The following ULK4 variants were observed in gnomAD, a reference collection of about 807,000 sequenced individuals.
The protein encoded by ULK4 is inactive serine/threonine-protein kinase ULK4.
Under a neutral mutation model 160.6 loss-of-function variants are expected in ULK4, and 133 were observed. The ratio of observed to expected loss-of-function variants is 0.83; its 90% CI spans 0.72 to 0.96. ULK4 has a LOEUF of 0.96. ULK4 is among the 40% of genes least tolerant of loss of function. The pLI, the probability that ULK4 is intolerant of heterozygous loss-of-function variation, is 0.00. For synonymous variants in ULK4, 534 were observed against 539.8 expected, an observed-to-expected ratio of 0.99 and a Z score of 0.15; for missense variants, 1,580 against 1,499.5, an observed-to-expected ratio of 1.05 and a Z score of -0.89.
At chr3:41,869,151 G>A (rs946090835) in intron 17 of ULK4, 3 of 151,720 alleles carry the variant, frequency 2.0e-5, no homozygotes, top group African/African-American at 7.3e-5. Flanking sequence ...TTGTTTTTCA[G>A]GGTTTTTTTT....
rs192174087 is a variant in ULK4, at chr3:41,917,873, G to A, written c.727+584C>T. On this transcript the variant is annotated intron_variant, in intron 7 of 36. Transcript: ENST00000301831. ...GCCGTGGTGGGCACCTGTAGTCCCA[G>A]CTACTCGGGAGGCTGAGGCAGGAGA... is the stretch of plus-strand genomic sequence containing the variant. Among the ~76,000 whole-genome samples the A allele has an allele frequency of 6.9e-3, 1,046 of 152,166 alleles. 13 individuals are homozygous for A. The highest frequency in any genetic ancestry group is 0.023 in the African/African-American group (970 of 41,514).
At position 41,395,970 on chromosome 3, in the gene ULK4, T is replaced by G. The variant is rs148980847; in HGVS notation, c.3678+2109A>C. 4.2e-3 allele frequency among the ~76,000 whole-genome samples: 639 copies of G among 152,312 alleles called. 3 individuals are homozygous for G. Among genetic ancestry groups the G allele is most frequent in the African/African-American group, 0.015 (614 of 41,586 alleles). ...TTAAATAGTAAAGCAAACTAAAAGA[T>G]GGTAGAATCTGTTGATTTTGACCAA... On this transcript the variant is annotated intron_variant, in intron 35 of 36. Coordinates refer to ENST00000301831, the MANE Select transcript of ULK4 (RefSeq NM_017886.4).
chr3:41,885,977 CTTAA>C (rs1213433902), intron 16 of ULK4, among the ~76,000 whole-genome samples: 1 of 152,122 alleles, frequency 6.6e-6, no homozygotes, highest in East Asian at 1.9e-4. Flanking sequence ...TGCATCTGGC[CTTAA>C]TTTTTACTTT....
Position 41,568,029 on chromosome 3 carries a change from T to C in ULK4, c.3121-1899A>G, listed in dbSNP as rs1388169282. ...TCAAGTGGCACCAGTTTTCCACCGA[T>C]GGCCTTTTCTGTTCCAGAATTCAAT... On this transcript the variant is annotated intron_variant, in intron 31 of 36. Coordinates refer to ENST00000301831, the MANE Select transcript of ULK4 (RefSeq NM_017886.4). Among the ~76,000 whole-genome samples the C allele has an allele frequency of 2.0e-5, 3 of 152,184 alleles. No homozygotes were observed. In the East Asian group the frequency reaches 5.8e-4, roughly 29 times the overall value.
chr3:41,304,188 G>A (rs953228235), intron 35 of ULK4, among the ~76,000 whole-genome samples: 5 of 149,798 alleles, frequency 3.3e-5, no homozygotes, highest in African/African-American at 7.5e-5. Context: ...CAGGAGAATC[G>A]CTTGAGCCCA....
rs71616008 is a variant in ULK4 at position 41,469,602 on chromosome 3, C to CAAAA, written c.3227-6353_3227-6350dup. Among the ~76,000 whole-genome samples, 25 of 11,282 alleles carry CAAAA rather than the reference C, an allele frequency of 2.2e-3. 1 individual carries two copies. Among genetic ancestry groups the CAAAA allele is most frequent in the South Asian group, 5.1e-3 (1 of 196 alleles). The allele number at this position is 11,282 out of a possible 152,430, so 7.4% of individuals were successfully genotyped here. On this transcript the variant is annotated intron_variant, in intron 32 of 36. Transcript: ENST00000301831. ...TGAAAGAGTGAAGGCCTACACCTGCCAAAAAAAAAAAAAAAAAAAAAAAAA... is the reference window on the plus strand; with the variant it reads ...TGAAAGAGTGAAGGCCTACACCTGCCAAAAAAAAAAAAAAAAAAAAAAAAAAAAA...
intron 17 of ULK4, among the ~76,000 whole-genome samples, chr3:41,850,944 C>T (rs569694063): frequency 6.6e-6 from 1 of 152,190 alleles, no homozygotes; most frequent in Non-Finnish European, 1.5e-5. Context: ...GGTTTTAGGT[C>T]TAATGTTTAA....
intron 34 of ULK4, among the ~76,000 whole-genome samples, chr3:41,428,807 C>T (rs1043952521): frequency 2.7e-5 from 4 of 150,780 alleles, no homozygotes; most frequent in Non-Finnish European, 6.0e-5. Flanking sequence ...AAATGCAAAA[C>T]GATACAAAAC....
chr3:41,954,633 T>C lies in ULK4; in HGVS notation c.127A>G (p.Ile43Val). ...LCTDKCKRPE[I>V]TNWVRLTREI... is the part of the protein sequence containing the mutation. ...ATACACTGACTTACCCAGTTGGTTA[T>C]TTCAGGCCTTTTGCACTTATCAGTA... The change falls in exon 2 of 37, where the codon ATA becomes GTA. Residue 43 changes from isoleucine to valine, a missense_variant. Coordinates refer to ENST00000301831, the MANE Select transcript of ULK4 (RefSeq NM_017886.4). The C allele has an allele frequency of 6.2e-7, 1 of 1,613,080 alleles. No homozygotes were observed. The highest frequency in any genetic ancestry group is 8.5e-7 in the Non-Finnish European group (1 of 1,179,598).
intron 32 of ULK4, among the ~76,000 whole-genome samples, chr3:41,498,528 C>A (rs1377517849): frequency 2.0e-5 from 3 of 150,390 alleles, no homozygotes; most frequent in Admixed American, 6.6e-5. Context: ...GAACAGAAAT[C>A]AATTAAACAG....
chr3:41,549,331 CAA>C (rs2086981583), intron 32 of ULK4, among the ~76,000 whole-genome samples: 2 of 151,956 alleles, frequency 1.3e-5, no homozygotes, highest in East Asian at 1.9e-4. Context: ...AGAATTTCAA[CAA>C]AGAGACAGCT....
At chr3:41,347,600 G>A (rs904234332) in intron 35 of ULK4, among the ~76,000 whole-genome samples, 1 of 151,482 alleles carries the variant, frequency 6.6e-6, no homozygotes, top group African/African-American at 2.4e-5. Flanking sequence ...TCATCCTCAC[G>A]TGATTCCTCC....
chr3:41,471,200 C>G (rs1302968373), intron 32 of ULK4, among the ~76,000 whole-genome samples: 2 of 151,938 alleles, frequency 1.3e-5, no homozygotes, highest in African/African-American at 4.8e-5. Flanking sequence ...AGAGAGACTT[C>G]TATTTATATA....
chr3:41,247,942 G>A (rs1406658966), intron 36 of ULK4, among the ~76,000 whole-genome samples: 1 of 152,244 alleles, frequency 6.6e-6, no homozygotes, highest in Non-Finnish European at 1.5e-5. Context: ...CTTTGCAGGA[G>A]CAACTTCCCC....
At chr3:41,691,466 C>T (rs1285469715) in intron 27 of ULK4, among the ~76,000 whole-genome samples, 3 of 151,846 alleles carry the variant, frequency 2.0e-5, no homozygotes, top group Non-Finnish European at 4.4e-5. Context: ...CTAAAACTTG[C>T]CTTGAGTCTG....
At chr3:41,517,216 A>T (rs2085779897) in intron 32 of ULK4, among the ~76,000 whole-genome samples, 1 of 73,880 alleles carries the variant, frequency 1.4e-5, no homozygotes, top group Non-Finnish European at 3.5e-5. Flanking sequence ...CACACTGATA[A>T]TATCAAATGC....
intron 35 of ULK4, among the ~76,000 whole-genome samples, chr3:41,295,646 A>G (rs1469836187): frequency 1.1e-5 from 1 of 92,242 alleles, no homozygotes; most frequent in African/African-American, 3.7e-5. Context: ...CTCACCAAAG[A>G]AGATATATAG....
intron 19 of ULK4, among the ~76,000 whole-genome samples, chr3:41,810,639 A>T (rs899430284): frequency 6.6e-6 from 1 of 152,010 alleles, no homozygotes; most frequent in African/African-American, 2.4e-5. Flanking sequence ...ACTTAATGAG[A>T]CCCTATCTCT....
chr3:41,378,849 T>A (rs544205862), intron 35 of ULK4, among the ~76,000 whole-genome samples: 56 of 151,552 alleles, frequency 3.7e-4, no homozygotes, highest in African/African-American at 1.3e-3. Context: ...ATGTGGCACA[T>A]TTACACCATG....
Sources: gnomAD v4.1 joint callset for allele counts (sites outside exome capture counted in the v4.1 genomes callset) on GRCh38, gnomAD v4.1.1 for gene constraint, MANE v1.5 for transcripts, NCBI Gene and HGNC (gene_info 2026-07-23, HGNC 2026-07-21) for gene names.